GPC6: variants seen among roughly 807,000 people sequenced by gnomAD.
GPC6 encodes the protein glypican-6.
GPC6 carries 14 observed loss-of-function variants against 55.2 expected under a neutral mutation model. The observed-to-expected ratio is 0.25, with a 90% CI of 0.17 to 0.40. The LOEUF (loss-of-function observed/expected upper bound fraction) is 0.40, where lower values mean the gene tolerates loss of function less well. Ranked by LOEUF, GPC6 falls within the 10% of genes least tolerant of loss-of-function variation. The pLI is 1.00. For synonymous variants in GPC6, 278 were observed against 259.6 expected (o/e 1.07, Z -0.68); for missense variants, 641 against 708.5 (o/e 0.90, Z 1.08).
At chr13:94,274,642 AC>A (rs1892146845) in intron 4 of GPC6, among the ~76,000 whole-genome samples, 1 of 152,230 alleles carries the variant, frequency 6.6e-6, no homozygotes, top group African/African-American at 2.4e-5. Flanking sequence ...CAAGGAAGAA[AC>A]AAAAATGACA....
intron 3 of GPC6, among the ~76,000 whole-genome samples, chr13:93,873,201 T>C (rs1038841084): frequency 6.6e-6 from 1 of 151,970 alleles, no homozygotes; most frequent in African/African-American, 2.4e-5. Flanking sequence ...CATTGCTATT[T>C]GCCACAGGAT....
At chr13:93,314,514 A>G (rs746817444) in intron 1 of GPC6, among the ~76,000 whole-genome samples, 1 of 152,176 alleles carries the variant, frequency 6.6e-6, no homozygotes, top group Non-Finnish European at 1.5e-5. Flanking sequence ...CCAACCGCCT[A>G]TAAAATGGCA....
chr13:93,446,924 T>C (rs145689046), intron 1 of GPC6, among the ~76,000 whole-genome samples: 81 of 152,110 alleles, frequency 5.3e-4, no homozygotes, highest in East Asian at 7.7e-4. Flanking sequence ...AAAAAATCAA[T>C]GCCATTAGCA....
intron 4 of GPC6, among the ~76,000 whole-genome samples, chr13:94,274,363 G>C (rs1223230925): frequency 6.6e-6 from 1 of 152,014 alleles, no homozygotes; most frequent in African/African-American, 2.4e-5. Context: ...CTTTTATTTG[G>C]CCTTAGTTCT....
At chr13:94,254,334 C>T (rs145280326) in intron 4 of GPC6, among the ~76,000 whole-genome samples, 21 of 152,068 alleles carry the variant, frequency 1.4e-4, no homozygotes, top group Middle Eastern at 3.4e-3. Flanking sequence ...GAAATGTTTC[C>T]CTAGTCATCT....
At chr13:94,288,801 ATT>A (rs1491425852) in intron 5 of GPC6, among the ~76,000 whole-genome samples, 1 of 97,824 alleles carries the variant, frequency 1.0e-5, no homozygotes, top group African/African-American at 5.0e-5. Flanking sequence ...AAATATATAT[ATT>A]TGTTATATAT....
chr13:93,545,126 T>C, intron 1 of GPC6, 137 bp from the exon 2 acceptor site: 4 of 743,928 alleles, frequency 5.4e-6, no homozygotes, highest in Non-Finnish European at 9.6e-6. Context: ...GTGGCCCAGA[T>C]AGAGTTCATG....
At chr13:94,192,575 A>G in intron 4 of GPC6, among the ~76,000 whole-genome samples, 1 of 152,206 alleles carries the variant, frequency 6.6e-6, no homozygotes, top group Non-Finnish European at 1.5e-5. Context: ...TTCCCATGCT[A>G]TGAGGAGCTC....
intron 4 of GPC6, among the ~76,000 whole-genome samples, chr13:94,255,886 A>G (rs1459209998): frequency 1.3e-5 from 2 of 152,098 alleles, no homozygotes; most frequent in African/African-American, 4.8e-5. Context: ...GGTGTGTTTG[A>G]CCCTAGAGCC....
At chr13:93,698,512 C>CTTTTTTTTTTTTTTG (rs1882549145) in intron 2 of GPC6, among the ~76,000 whole-genome samples, 1 of 28,510 alleles carries the variant, frequency 3.5e-5, no homozygotes. Context: ...TTTTTTTTTA[C>CTTTTTTTTTTTTTTG]TGTCAGGTTA....
At chr13:94,327,085 G>A (rs1419373308) in intron 6 of GPC6, among the ~76,000 whole-genome samples, 1 of 152,130 alleles carries the variant, frequency 6.6e-6, no homozygotes, top group East Asian at 1.9e-4. Context: ...ATACTTTTGG[G>A]ACTCCCATAT....
At chr13:93,764,957 G>T (rs981902772) in intron 2 of GPC6, among the ~76,000 whole-genome samples, 1 of 151,872 alleles carries the variant, frequency 6.6e-6, no homozygotes, top group African/African-American at 2.4e-5. Flanking sequence ...GTGCCACCAC[G>T]TCCAGCTAAT....
intron 2 of GPC6, among the ~76,000 whole-genome samples, chr13:93,785,283 G>T (rs1885785271): frequency 6.6e-6 from 1 of 152,124 alleles, no homozygotes; most frequent in African/African-American, 2.4e-5. Context: ...ATATACTATA[G>T]AGAATATGAT....
Position 93,776,425 on chromosome 13 carries a change from C to T in GPC6, c.320-53729C>T, listed in dbSNP as rs540967127. On this transcript the variant is annotated intron_variant, in intron 2 of 8. Transcript: ENST00000377047. ...CAGATGGGGACAAATTGCCAAGTGGCAGAGCTGGGATTTGAACCCACACTC... is the reference window on the plus strand; with the variant it reads ...CAGATGGGGACAAATTGCCAAGTGGTAGAGCTGGGATTTGAACCCACACTC... Among the ~76,000 whole-genome samples, 51 of 152,186 alleles carry T rather than the reference C, an allele frequency of 3.4e-4. No individual in the cohort carries two copies. The South Asian group carries it at 4.4e-3, about 13-fold the overall frequency.
At chr13:94,376,913 G>C (rs1458264565) in intron 6 of GPC6, among the ~76,000 whole-genome samples, 4 of 151,490 alleles carry the variant, frequency 2.6e-5, no homozygotes, top group Non-Finnish European at 5.9e-5. Context: ...ACAACTATCT[G>C]ATCTTTGACA....
chr13:93,649,040 C>T (rs143862304), intron 2 of GPC6, among the ~76,000 whole-genome samples: 1 of 152,214 alleles, frequency 6.6e-6, no homozygotes, highest in East Asian at 1.9e-4. Context: ...CAACAAATGG[C>T]ATGTGGCTTT....
chr13:93,747,278 A>G (rs1375879607), intron 2 of GPC6, among the ~76,000 whole-genome samples: 2 of 152,208 alleles, frequency 1.3e-5, no homozygotes, highest in African/African-American at 2.4e-5. Flanking sequence ...AGAAATGAAC[A>G]TCAATGACAA....
intron 4 of GPC6, among the ~76,000 whole-genome samples, chr13:94,242,444 C>T (rs996298555): frequency 8.6e-5 from 13 of 151,964 alleles, no homozygotes; most frequent in Admixed American, 1.3e-4. Context: ...CACATGCACA[C>T]GTATGTTTAT....
At chr13:94,372,564 C>G (rs532091462) in intron 6 of GPC6, among the ~76,000 whole-genome samples, 31 of 150,266 alleles carry the variant, frequency 2.1e-4, no homozygotes, top group African/African-American at 7.1e-4. Context: ...GAGGGTCCTA[C>G]GCCCACGGAG....
Sources: allele counts gnomAD v4.1 joint callset (sites outside exome capture counted in the v4.1 genomes callset), GRCh38; gene constraint gnomAD v4.1.1; transcripts MANE v1.5; gene names NCBI Gene and HGNC (gene_info 2026-07-23, HGNC 2026-07-21).